Variants in CCDC33 observed in about 807,000 individuals in gnomAD.
CCDC33 encodes the protein coiled-coil domain-containing protein 33.
In CCDC33, 94 loss-of-function variants were observed where a neutral mutation model predicts 91.9. The observed-to-expected ratio is 1.02, with a 90% CI of 0.87 to 1.21. CCDC33 has a LOEUF of 1.21. CCDC33 is among the 50% of genes most tolerant of loss of function. CCDC33 has a pLI of 0.00. For missense variants in CCDC33, 940 were observed against 935.5 expected, an observed-to-expected ratio of 1.00 and a Z score of -0.06; for synonymous variants, 396 against 374.5, an observed-to-expected ratio of 1.06 and a Z score of -0.66.
chr15:74,208,997 G>C, intron 1 of CCDC33: 1 of 1,030,576 alleles, frequency 9.7e-7, no homozygotes, highest in Non-Finnish European at 1.2e-6. Context: ...CCTGAGAAGT[G>C]TCCCCAGCAC....
chr15:74,311,911 GTGGCCGCCAGCTCC>G (rs1408933516), intron 11 of CCDC33: 1 of 152,246 alleles, frequency 6.6e-6, no homozygotes, highest in African/African-American at 2.4e-5. Context: ...GGGTCCAGCT[GTGGCCGCCAGCTCC>G]TGGCCACCAG....
chr15:74,279,902 G>C, intron 7 of CCDC33, 61 bp from the exon 8 acceptor site: 1 of 1,575,334 alleles, frequency 6.3e-7, no homozygotes, highest in East Asian at 2.2e-5. Context: ...AAATATCTGT[G>C]TATGCCTTGA....
intron 2 of CCDC33, among the ~76,000 whole-genome samples, chr15:74,227,123 A>G (rs1251813392): frequency 2.0e-5 from 3 of 152,180 alleles, no homozygotes; most frequent in Non-Finnish European, 2.9e-5. Flanking sequence ...CTTGGGAGGT[A>G]GGCAGGGTAA....
chr15:74,273,456 A>G (rs1034367591), intron 7 of CCDC33, among the ~76,000 whole-genome samples: 13 of 152,236 alleles, frequency 8.5e-5, no homozygotes, highest in African/African-American at 2.9e-4. Context: ...TGTGTTACGT[A>G]TATTTTAACC....
intron 2 of CCDC33, among the ~76,000 whole-genome samples, chr15:74,250,815 C>T (rs2075685055): frequency 1.3e-5 from 2 of 152,196 alleles, no homozygotes; most frequent in Admixed American, 1.3e-4. Flanking sequence ...GGGAAAGTTA[C>T]TTTGTCTTTC....
chr15:74,254,035 TA>T (rs2075788780), intron 2 of CCDC33, among the ~76,000 whole-genome samples: 1 of 151,948 alleles, frequency 6.6e-6, no homozygotes, highest in Non-Finnish European at 1.5e-5. Context: ...TTATTTATTT[TA>T]TTTTTTTATT....
chr15:74,308,943 A>G (rs1191220310), intron 11 of CCDC33, among the ~76,000 whole-genome samples: 1 of 151,908 alleles, frequency 6.6e-6, no homozygotes, highest in Non-Finnish European at 1.5e-5. Context: ...GGAGGCCAAG[A>G]TGAAGACCTC....
chr15:74,260,313 C>T (rs1299686053), intron 2 of CCDC33, among the ~76,000 whole-genome samples: 1 of 152,192 alleles, frequency 6.6e-6, no homozygotes, highest in Non-Finnish European at 1.5e-5. Context: ...CCACACACCA[C>T]TTTGCGGGTG....
intron 5 of CCDC33, among the ~76,000 whole-genome samples, chr15:74,270,924 G>T (rs145239878): frequency 2.0e-5 from 3 of 152,210 alleles, no homozygotes; most frequent in Non-Finnish European, 4.4e-5. Flanking sequence ...TCAGGACTGG[G>T]AGGCAGGGAA....
intron 17 of CCDC33, 78 bp downstream of exon 17, chr15:74,334,045 G>C (rs1377716263): frequency 2.4e-6 from 3 of 1,260,474 alleles, no homozygotes; most frequent in Non-Finnish European, 3.4e-6. Context: ...TGTGTGAGCA[G>C]AGTCTAGGCT....
intron 7 of CCDC33, among the ~76,000 whole-genome samples, chr15:74,277,954 T>A (rs1236915834): frequency 1.3e-5 from 2 of 152,114 alleles, no homozygotes; most frequent in Admixed American, 6.5e-5. Context: ...TGGCAGACAG[T>A]CCCAGCCATG....
At chr15:74,217,890 C>A (rs796941590) in intron 1 of CCDC33, among the ~76,000 whole-genome samples, 24 of 152,164 alleles carry the variant, frequency 1.6e-4, no homozygotes, top group African/African-American at 5.5e-4. Context: ...GGGGGCCAGT[C>A]CTGAGCAGTG....
intron 2 of CCDC33, chr15:74,209,689 C>G: frequency 1.9e-6 from 1 of 513,348 alleles, no homozygotes; most frequent in South Asian, 2.9e-5. Context: ...CGGCTGCATC[C>G]CCCCTCACCT....
At chr15:74,334,557 G>A (rs1316242491) in intron 17 of CCDC33, among the ~76,000 whole-genome samples, 1 of 151,200 alleles carries the variant, frequency 6.6e-6, no homozygotes, top group Non-Finnish European at 1.5e-5. Context: ...CAGAGTCAGC[G>A]TTCAGTGTGC....
chr15:74,332,524 G>T (rs768595880), intron 15 of CCDC33, among the ~76,000 whole-genome samples, 155 bp from the exon 16 acceptor site: 6 of 152,258 alleles, frequency 3.9e-5, no homozygotes, highest in Non-Finnish European at 7.3e-5. Context: ...AGGACAGCCT[G>T]TGTGCACCTG....
At chr15:74,222,462 T>C (rs1164439133) in intron 2 of CCDC33, among the ~76,000 whole-genome samples, 5 of 151,726 alleles carry the variant, frequency 3.3e-5, no homozygotes, top group South Asian at 2.1e-4. Context: ...TTTTGTTTCA[T>C]AGAAACGATT....
At chr15:74,315,728 G>A (rs1358243418) in intron 11 of CCDC33, among the ~76,000 whole-genome samples, 1 of 152,218 alleles carries the variant, frequency 6.6e-6, no homozygotes, top group East Asian at 1.9e-4. Flanking sequence ...GGAACTGCGT[G>A]AGCAAAGGCA....
At chr15:74,271,616 A>C in intron 5 of CCDC33, 87 bp from the exon 6 acceptor site, 1 of 953,496 alleles carries the variant, frequency 1.0e-6, no homozygotes. Context: ...CGGATGGGGA[A>C]AAAGAGGGTA....
intron 1 of CCDC33, among the ~76,000 whole-genome samples, chr15:74,205,427 G>A (rs1246848134): frequency 6.6e-6 from 1 of 152,158 alleles, no homozygotes; most frequent in Admixed American, 6.5e-5. Flanking sequence ...TGGCAAGAGA[G>A]GGAGCAGGAG....
Sources: gnomAD v4.1 joint callset for allele counts (sites outside exome capture counted in the v4.1 genomes callset) on GRCh38, gnomAD v4.1.1 for gene constraint, MANE v1.5 for transcripts, NCBI Gene and HGNC (gene_info 2026-07-23, HGNC 2026-07-21) for gene names.